The following ERBB4 variants were observed in gnomAD, a reference collection of about 807,000 sequenced individuals.
ERBB4 encodes the protein erb-b2 receptor tyrosine kinase 4.
Under a neutral mutation model 158.0 loss-of-function variants are expected in ERBB4, and 42 were observed. That is an observed-to-expected ratio of 0.27 (90% CI 0.21 to 0.34). The LOEUF is 0.34. Among genes scored for constraint, ERBB4 ranks in the 10% least tolerant of loss-of-function variants. The probability of loss-of-function intolerance (pLI) is 1.00; values close to 1 mark genes in which losing one functional copy is unlikely to be tolerated. For synonymous variants in ERBB4, 583 were observed against 558.7 expected (o/e 1.04, Z -0.61); for missense variants, 1,333 against 1,624.1 (o/e 0.82, Z 3.08).
intron 1 of ERBB4, among the ~76,000 whole-genome samples, chr2:212,200,884 T>C (rs751279144): frequency 2.7e-4 from 41 of 152,248 alleles, no homozygotes; most frequent in Middle Eastern, 3.4e-3. Context: ...TTAGAAAGTG[T>C]TAAATATGGT....
chr2:212,059,300 A>G (rs1399741174), intron 2 of ERBB4, among the ~76,000 whole-genome samples: 6 of 152,210 alleles, frequency 3.9e-5, no homozygotes, highest in Non-Finnish European at 8.8e-5. Context: ...GAGGATACAA[A>G]CAAATGGAAG....
At chr2:212,486,256 AAGGAG>A (rs1689974169) in intron 1 of ERBB4, among the ~76,000 whole-genome samples, 1 of 152,112 alleles carries the variant, frequency 6.6e-6, no homozygotes, top group Non-Finnish European at 1.5e-5. Context: ...ATGAGGGGAG[AAGGAG>A]AGATTACAAA....
chr2:212,150,052 C>T (rs140397280), intron 1 of ERBB4, among the ~76,000 whole-genome samples: 13 of 152,160 alleles, frequency 8.5e-5, no homozygotes, highest in South Asian at 4.1e-4. Context: ...GAGTGGAAGA[C>T]GAAACTTGCA....
At position 211,468,053 on chromosome 2, in the gene ERBB4, T is replaced by C. The variant is rs570521665; in HGVS notation, c.2488-36953A>G. Reference sequence around the variant, plus strand: ...ATAATGTGGCTGGAAGTGGATGGATTATATAAAAAGAAAAAGACATGTAAT... The same window carrying C: ...ATAATGTGGCTGGAAGTGGATGGATCATATAAAAAGAAAAAGACATGTAAT... On this transcript the variant is annotated intron_variant, in intron 20 of 27. Transcript: ENST00000342788. 6.6e-5 allele frequency among the ~76,000 whole-genome samples: 10 copies of C among 152,188 alleles called. No individual in the cohort carries two copies. In the East Asian group the frequency reaches 1.9e-3, roughly 29 times the overall value.
intron 8 of ERBB4, among the ~76,000 whole-genome samples, 186 bp downstream of exon 8, chr2:211,713,349 A>C (rs1264440213): frequency 6.6e-6 from 1 of 152,182 alleles, no homozygotes; most frequent in Non-Finnish European, 1.5e-5. Flanking sequence ...GATAAAATTC[A>C]AACTCAATAA....
chr2:211,849,121 T>C (rs1374362613), intron 3 of ERBB4, among the ~76,000 whole-genome samples: 1 of 152,032 alleles, frequency 6.6e-6, no homozygotes, highest in African/African-American at 2.4e-5. Context: ...ACAGTGTTTT[T>C]TTCCTATGCA....
At chr2:212,210,561 C>A (rs2082903532) in intron 1 of ERBB4, among the ~76,000 whole-genome samples, 1 of 151,890 alleles carries the variant, frequency 6.6e-6, no homozygotes, top group South Asian at 2.1e-4. Flanking sequence ...AATAGATGAT[C>A]CAAAAGTGGA....
chr2:212,215,551 G>C (rs908852252), intron 1 of ERBB4, among the ~76,000 whole-genome samples: 2 of 147,702 alleles, frequency 1.4e-5, no homozygotes, highest in African/African-American at 5.0e-5. Context: ...ATAACATGAA[G>C]AATAATAATT....
At chr2:211,975,222 GCTAT>G (rs1325964968) in intron 2 of ERBB4, among the ~76,000 whole-genome samples, 3 of 152,252 alleles carry the variant, frequency 2.0e-5, no homozygotes, top group Admixed American at 1.3e-4. Flanking sequence ...GCTCAAGGGA[GCTAT>G]CCGCCTCCAC....
chr2:211,713,181 T>C (rs1318450110), intron 8 of ERBB4, among the ~76,000 whole-genome samples: 1 of 152,160 alleles, frequency 6.6e-6, no homozygotes, highest in Non-Finnish European at 1.5e-5. Context: ...TTGTATATAG[T>C]GGCAAGCAAC....
intron 2 of ERBB4, among the ~76,000 whole-genome samples, chr2:212,061,383 G>C (rs192197002): frequency 6.7e-6 from 1 of 149,998 alleles, no homozygotes; most frequent in Non-Finnish European, 1.5e-5. Flanking sequence ...AACCCAGGAG[G>C]GGGAGGTTGC....
rs74651730 is a variant in ERBB4, at chr2:212,086,945, A to G, written c.234+37807T>C. Among the ~76,000 whole-genome samples the G allele has an allele frequency of 4.3e-3, 654 of 152,170 alleles. 1 individual carries two copies. The highest frequency in any genetic ancestry group is 7.1e-3 in the Non-Finnish European group (481 of 67,984). Reference sequence around the variant, plus strand: ...ATAGGGTTACTGGGAGGCTTCCAACAGTTTCGAATAGAGCCTGTTAGAGAC... The same window carrying G: ...ATAGGGTTACTGGGAGGCTTCCAACGGTTTCGAATAGAGCCTGTTAGAGAC... On this transcript the variant is annotated intron_variant, in intron 2 of 27. Coordinates refer to ENST00000342788, the MANE Select transcript of ERBB4 (RefSeq NM_005235.3).
intron 2 of ERBB4, among the ~76,000 whole-genome samples, chr2:212,085,769 A>T (rs1312561231): frequency 6.6e-6 from 1 of 151,936 alleles, no homozygotes; most frequent in Non-Finnish European, 1.5e-5. Context: ...CCTTCCTCAT[A>T]AAGTGGCTTC....
intron 1 of ERBB4, among the ~76,000 whole-genome samples, chr2:212,191,734 T>C (rs917343772): frequency 6.8e-6 from 1 of 146,982 alleles, no homozygotes; most frequent in Non-Finnish European, 1.5e-5. Context: ...ACACGTGTTA[T>C]ACATGTTACA....
chr2:211,562,239 C>A (rs2067416552), intron 19 of ERBB4, 151 bp from the exon 20 acceptor site: 4 of 703,614 alleles, frequency 5.7e-6, no homozygotes, highest in Non-Finnish European at 9.8e-6. Flanking sequence ...TTCAGTTATT[C>A]TATCTTTAAA....
chr2:211,543,270 A>G (rs909438854), intron 20 of ERBB4, among the ~76,000 whole-genome samples: 1 of 151,988 alleles, frequency 6.6e-6, no homozygotes, highest in African/African-American at 2.4e-5. Flanking sequence ...AGCTTTGAGA[A>G]TATTATTTCT....
At chr2:211,839,191 GAGGGAAA>G (rs1298682577) in intron 3 of ERBB4, among the ~76,000 whole-genome samples, 1 of 126,362 alleles carries the variant, frequency 7.9e-6, no homozygotes, top group Non-Finnish European at 1.7e-5. Flanking sequence ...GGAGGAGGAG[GAGGGAAA>G]GAAAGAAAGA....
chr2:211,391,611 T>C (rs2125329904), intron 25 of ERBB4, among the ~76,000 whole-genome samples: 1 of 152,294 alleles, frequency 6.6e-6, no homozygotes, highest in South Asian at 2.1e-4. Flanking sequence ...TATGATTAAC[T>C]TGGACTTAAA....
intron 2 of ERBB4, among the ~76,000 whole-genome samples, chr2:211,971,657 A>C (rs778518337): frequency 1.3e-5 from 2 of 152,198 alleles, no homozygotes; most frequent in Non-Finnish European, 2.9e-5. Context: ...TCAATGAAAT[A>C]CTAGCAAACT....
Sources: allele counts gnomAD v4.1 joint callset (sites outside exome capture counted in the v4.1 genomes callset), GRCh38; gene constraint gnomAD v4.1.1; transcripts MANE v1.5; gene names NCBI Gene and HGNC (gene_info 2026-07-23, HGNC 2026-07-21).